WSCD2: variants seen among roughly 807,000 people sequenced by gnomAD.
WSCD2 encodes the protein WSC domain sialate O sulfotransferase 2, also known as sialate:O-sulfotransferase 2.
In WSCD2, 28 loss-of-function variants were observed where a neutral mutation model predicts 55.7. The ratio of observed to expected loss-of-function variants is 0.50; its 90% confidence interval spans 0.37 to 0.69. The LOEUF (loss-of-function observed/expected upper bound fraction) is 0.69. WSCD2 is among the 30% of genes least tolerant of loss of function. WSCD2 has a pLI of 0.00. For synonymous variants in WSCD2, 301 were observed against 301.9 expected (o/e 1.00, Z 0.03); for missense variants, 616 against 762.1 (o/e 0.81, Z 2.26).
intron 1 of WSCD2, among the ~76,000 whole-genome samples, chr12:108,171,441 A>G (rs568179076): frequency 6.6e-6 from 1 of 152,346 alleles, no homozygotes; most frequent in African/African-American, 2.4e-5. Flanking sequence ...AGACTGCAGT[A>G]AGGTGTGCTG....
At chr12:108,150,417 G>A (rs368422772) in intron 1 of WSCD2, among the ~76,000 whole-genome samples, 2 of 152,118 alleles carry the variant, frequency 1.3e-5, no homozygotes, top group South Asian at 2.1e-4. Context: ...GGTTTATTTC[G>A]GGGGACTGAA....
rs200435102 is a variant in WSCD2, at chr12:108,195,904, A to C, written c.72A>C (p.Ala24=). The C allele has an allele frequency of 3.9e-3, 6,315 of 1,613,500 alleles. 20 individuals carry two copies. The highest frequency in any genetic ancestry group is 4.6e-3 in the Non-Finnish European group (5,404 of 1,179,922). The change falls in exon 2 of 9, where the codon GCA becomes GCC. Residue 24 remains alanine (A), a synonymous_variant. Transcript: ENST00000547525. ...RKPVRFFTFL[A]LYLTAGSLVF... is the part of the protein sequence containing the mutation. ...CTGTGCGCTTCTTTACCTTCCTGGCACTCTACCTGACTGCTGGGAGCCTTG... is the reference window on the plus strand; with the variant it reads ...CTGTGCGCTTCTTTACCTTCCTGGCCCTCTACCTGACTGCTGGGAGCCTTG...
chr12:108,244,779 A>G (rs1889970626), intron 8 of WSCD2, among the ~76,000 whole-genome samples: 2 of 152,198 alleles, frequency 1.3e-5, no homozygotes, highest in Non-Finnish European at 2.9e-5. Flanking sequence ...GCAGCCTAGA[A>G]GTCATGCTTC....
At chr12:108,172,529 G>T (rs753331715) in intron 1 of WSCD2, among the ~76,000 whole-genome samples, 4 of 152,130 alleles carry the variant, frequency 2.6e-5, no homozygotes, top group Non-Finnish European at 5.9e-5. Context: ...GATTCAGGTG[G>T]GCCCTAAATT....
At chr12:108,168,790 T>G (rs1879925886) in intron 1 of WSCD2, among the ~76,000 whole-genome samples, 1 of 152,230 alleles carries the variant, frequency 6.6e-6, no homozygotes, top group Non-Finnish European at 1.5e-5. Flanking sequence ...TTCATGGAGC[T>G]GTGTTTTTAT....
At chr12:108,246,995 G>A (rs1165240494) in intron 8 of WSCD2, among the ~76,000 whole-genome samples, 1 of 152,266 alleles carries the variant, frequency 6.6e-6, no homozygotes, top group Admixed American at 6.5e-5. Flanking sequence ...TGAACTCAAC[G>A]TGCCATGCTA....
chr12:108,191,863 C>T (rs114060832), intron 1 of WSCD2, among the ~76,000 whole-genome samples: 4,053 of 152,226 alleles, frequency 0.027, 136 homozygotes, highest in African/African-American at 0.079. Context: ...CCTCTCCACA[C>T]GGTCCACATC....
chr12:108,194,669 C>T (rs1883654383), intron 1 of WSCD2, among the ~76,000 whole-genome samples: 1 of 152,216 alleles, frequency 6.6e-6, no homozygotes, highest in South Asian at 2.1e-4. Flanking sequence ...AATAACCCTA[C>T]TTTCCTTCTT....
At chr12:108,150,930 C>T (rs1415629210) in intron 1 of WSCD2, among the ~76,000 whole-genome samples, 1 of 152,048 alleles carries the variant, frequency 6.6e-6, no homozygotes, top group Non-Finnish European at 1.5e-5. Context: ...CACCTCACAA[C>T]CCTTCCTCTG....
chr12:108,154,412 T>C (rs977363629), intron 1 of WSCD2, among the ~76,000 whole-genome samples: 1 of 152,190 alleles, frequency 6.6e-6, no homozygotes, highest in Non-Finnish European at 1.5e-5. Context: ...CTGTTTCTGT[T>C]GTCTTCTCTC....
chr12:108,185,277 AGGAAATG>A (rs1374276332), intron 1 of WSCD2, among the ~76,000 whole-genome samples: 2 of 152,196 alleles, frequency 1.3e-5, no homozygotes, highest in Non-Finnish European at 2.9e-5. Flanking sequence ...TGTATTATTT[AGGAAATG>A]GGCTCCGGTC....
At chr12:108,191,063 C>T (rs954018153) in intron 1 of WSCD2, among the ~76,000 whole-genome samples, 2 of 152,098 alleles carry the variant, frequency 1.3e-5, no homozygotes, top group African/African-American at 2.4e-5. Context: ...AATTATAATC[C>T]TCAACATGCT....
Position 108,195,466 on chromosome 12 carries a change from GT to G in WSCD2, c.-366del, listed in dbSNP as rs1804812150. On this transcript the variant is annotated 5_prime_UTR_variant, in exon 2 of 9. Transcript: ENST00000547525. Reference sequence around the variant, plus strand: ...GGCAAGAAGTGAACTGCAGCTGCTGGTAACCCTCAGAAACCTTCTCCAAGTG... The same window carrying G: ...GGCAAGAAGTGAACTGCAGCTGCTGGAACCCTCAGAAACCTTCTCCAAGTG... The G allele has an allele frequency of 1.5e-5, 3 of 196,066 alleles. No individual in the cohort carries two copies. In the South Asian group the frequency reaches 4.3e-4, roughly 28 times the overall value. 12.1% of individuals were successfully genotyped at this position (196,066 alleles called of 1,614,324 possible).
chr12:108,233,813 G>A (rs1889022511), intron 7 of WSCD2, among the ~76,000 whole-genome samples: 1 of 152,256 alleles, frequency 6.6e-6, no homozygotes, highest in African/African-American at 2.4e-5. Context: ...GCCCTCTCCT[G>A]GGCATGGTGG....
chr12:108,151,804 T>C (rs1323428603), intron 1 of WSCD2, among the ~76,000 whole-genome samples: 1 of 152,220 alleles, frequency 6.6e-6, no homozygotes, highest in Admixed American at 6.5e-5. Flanking sequence ...GAAAACCTAC[T>C]CCATGGGCTA....
intron 2 of WSCD2, among the ~76,000 whole-genome samples, chr12:108,198,210 CCTGT>C (rs1290562310): frequency 6.6e-5 from 10 of 152,140 alleles, no homozygotes; most frequent in East Asian, 3.9e-4. Flanking sequence ...ACCTGTCCTG[CCTGT>C]CTGTGTTCTA....
At chr12:108,184,755 A>G (rs1255146300) in intron 1 of WSCD2, among the ~76,000 whole-genome samples, 3 of 152,236 alleles carry the variant, frequency 2.0e-5, no homozygotes, top group Admixed American at 6.5e-5. Flanking sequence ...ATAGCTAAAA[A>G]GTATTGAGCA....
In WSCD2 at chr12:108,240,332, G is replaced by A; in HGVS notation, c.1145-12G>A. 6.2e-7 allele frequency: 1 copy of A among 1,613,740 alleles called. No individual in the cohort carries two copies. ...CTCACCAGTCCTGTTCCTCACCTCT[G>A]GCTGCGGGAAGGGTTTAAAGGTGAG... On this transcript the variant is annotated splice_polypyrimidine_tract_variant and intron_variant, in intron 7 of 8. Coordinates refer to ENST00000547525, the MANE Select transcript of WSCD2 (RefSeq NM_014653.4).
At chr12:108,156,945 G>A (rs921752838) in intron 1 of WSCD2, among the ~76,000 whole-genome samples, 5 of 152,162 alleles carry the variant, frequency 3.3e-5, no homozygotes, top group Non-Finnish European at 7.3e-5. Context: ...CTTTCCTCAG[G>A]CACTGCCAGG....
Sources: gnomAD v4.1 joint callset for allele counts (sites outside exome capture counted in the v4.1 genomes callset) on GRCh38, gnomAD v4.1.1 for gene constraint, MANE v1.5 for transcripts, NCBI Gene and HGNC (gene_info 2026-07-23, HGNC 2026-07-21) for gene names.